IRAG1: variants seen among roughly 807,000 people sequenced by gnomAD.
IRAG1 encodes IP3R-associated cGMP kinase substrate.
IRAG1 carries 62 observed loss-of-function variants against 106.2 expected under a neutral mutation model. That is an observed-to-expected ratio of 0.58 (90% CI 0.48 to 0.72). The LOEUF (loss-of-function observed/expected upper bound fraction) is 0.72. Ranked by LOEUF, IRAG1 falls within the 30% of genes least tolerant of loss-of-function variation. The pLI is 0.00. For synonymous variants in IRAG1, 462 were observed against 443.9 expected, an observed-to-expected ratio of 1.04 and a Z score of -0.51; for missense variants, 1,064 against 1,140.7, an observed-to-expected ratio of 0.93 and a Z score of 0.97.
rs143441101 is a variant in IRAG1, at chr11:10,651,038, C to T, written c.225+987G>A. 3.4e-4 allele frequency among the ~76,000 whole-genome samples: 52 copies of T among 152,322 alleles called. 1 individual carries two copies. The East Asian group carries it at 9.1e-3, about 27-fold the overall frequency. ...ATAGATTCTTCCCTCACTTAAAAAG[C>T]GTCTATCCCACCTGGCTCAGGTCAG... is the stretch of plus-strand genomic sequence containing the variant. On this transcript the variant is annotated intron_variant, in intron 2 of 20. Coordinates refer to ENST00000423302, the MANE Select transcript of IRAG1 (RefSeq NM_130385.4).
At chr11:10,611,489 T>C (rs1854957287) in intron 10 of IRAG1, 1 of 152,182 alleles carries the variant, frequency 6.6e-6, no homozygotes, top group South Asian at 2.1e-4. Context: ...CCTAGAAAAG[T>C]TTCCCAAAAT....
intron 19 of IRAG1, among the ~76,000 whole-genome samples, chr11:10,581,529 G>A (rs781759630): frequency 6.6e-6 from 1 of 152,028 alleles, no homozygotes; most frequent in Non-Finnish European, 1.5e-5. Context: ...GCAGCAACAT[G>A]ACTGCTTTGA....
chr11:10,578,843 A>ACTCTCT (rs3075191), intron 20 of IRAG1, among the ~76,000 whole-genome samples: 11 of 151,450 alleles, frequency 7.3e-5, no homozygotes, highest in South Asian at 2.1e-4. Flanking sequence ...TATTCCATGT[A>ACTCTCT]CTCTCTCTCT....
At chr11:10,583,607 G>A (rs528427386) in intron 18 of IRAG1, among the ~76,000 whole-genome samples, 20 of 152,322 alleles carry the variant, frequency 1.3e-4, no homozygotes, top group East Asian at 7.7e-4. Flanking sequence ...AGGAAGGAGA[G>A]TAGAGGGGTG....
chr11:10,654,695 T>C (rs1170965140), intron 1 of IRAG1, among the ~76,000 whole-genome samples: 1 of 152,108 alleles, frequency 6.6e-6, no homozygotes, highest in Non-Finnish European at 1.5e-5. Context: ...CAGAAAAGGG[T>C]TACCTGTGGG....
chr11:10,681,800 C>A (rs1023245885), intron 1 of IRAG1, among the ~76,000 whole-genome samples: 6 of 152,202 alleles, frequency 3.9e-5, no homozygotes, highest in African/African-American at 1.4e-4. Context: ...AGGTTTCATT[C>A]ATGCATGCAT....
rs1045382665 is a variant in IRAG1, at chr11:10,657,703, C to T, written c.68-5521G>A. Among the ~76,000 whole-genome samples the T allele has an allele frequency of 4.6e-5, 7 of 152,144 alleles. No individual in the cohort carries two copies. The highest frequency in any genetic ancestry group is 2.0e-4 in the Admixed American group (3 of 15,268). On this transcript the variant is annotated intron_variant, in intron 1 of 20. Transcript: ENST00000423302. This position sits in a 1 kb window ranked among gnomAD's most constrained non-coding sequence, Gnocchi z 4.1. ...AGAGATTAGGTTGCTATTAATACCA[C>T]GGGTCTATCTCTAGATGGACAACTG... is the stretch of plus-strand genomic sequence containing the variant.
At chr11:10,587,165 G>A (rs1206459392) in intron 18 of IRAG1, among the ~76,000 whole-genome samples, 4 of 152,162 alleles carry the variant, frequency 2.6e-5, no homozygotes, top group Non-Finnish European at 2.9e-5. Context: ...ATTCTCACAC[G>A]TGCACCAGGT....
At chr11:10,679,847 A>G (rs1348196392) in intron 1 of IRAG1, among the ~76,000 whole-genome samples, 1 of 152,248 alleles carries the variant, frequency 6.6e-6, no homozygotes, top group Admixed American at 6.5e-5. Flanking sequence ...TCTGTCTTGC[A>G]GGACATCTCA....
rs1292545403 is a variant in IRAG1 at position 10,628,483 on chromosome 11, T to TA, written c.652+267dup. Among the ~76,000 whole-genome samples, 1 of 152,180 alleles carries TA rather than the reference T, an allele frequency of 6.6e-6. No homozygotes were observed. Among genetic ancestry groups the TA allele is most frequent in the Non-Finnish European group, 1.5e-5 (1 of 68,020 alleles). ...CCTCCCTGAGCCAGAGAGGCTGTCC[T>TA]AGTCCCCTTTCCCACCCAGCCTTCC... is the stretch of plus-strand genomic sequence containing the variant. On this transcript the variant is annotated intron_variant, in intron 6 of 20. Transcript: ENST00000423302. This position sits in a 1 kb window ranked among gnomAD's most constrained non-coding sequence, Gnocchi z 4.1.
At chr11:10,594,852 ATC>A (rs758482851) in intron 15 of IRAG1, among the ~76,000 whole-genome samples, 4 of 151,984 alleles carry the variant, frequency 2.6e-5, no homozygotes, top group South Asian at 4.2e-4. Flanking sequence ...TAGCCTGCAT[ATC>A]TCTCTCTTTC....
intron 9 of IRAG1, among the ~76,000 whole-genome samples, chr11:10,625,342 C>T (rs552084256): frequency 7.2e-4 from 110 of 152,272 alleles, no homozygotes; most frequent in Non-Finnish European, 1.5e-3. Context: ...TATCTGGTCT[C>T]TATCTCTGGA....
intron 1 of IRAG1, among the ~76,000 whole-genome samples, chr11:10,684,689 G>A (rs749812777): frequency 5.9e-5 from 9 of 151,474 alleles, no homozygotes; most frequent in Non-Finnish European, 1.2e-4. Flanking sequence ...GGATCTGAAA[G>A]CTGCCCTGGG....
intron 1 of IRAG1, among the ~76,000 whole-genome samples, chr11:10,675,818 A>G (rs1860609425): frequency 6.6e-6 from 1 of 152,166 alleles, no homozygotes; most frequent in Non-Finnish European, 1.5e-5. Context: ...TTTGTCTGCA[A>G]TGAATGCTCT....
intron 18 of IRAG1, among the ~76,000 whole-genome samples, chr11:10,589,737 C>T (rs1852425180): frequency 6.6e-6 from 1 of 152,174 alleles, no homozygotes; most frequent in Admixed American, 6.5e-5. Context: ...CTTGACTTGC[C>T]TTAATCCCCA....
intron 14 of IRAG1, among the ~76,000 whole-genome samples, chr11:10,601,591 C>A (rs1388561413): frequency 1.3e-5 from 2 of 152,202 alleles, no homozygotes; most frequent in Non-Finnish European, 2.9e-5. Context: ...CACTGCAGGT[C>A]CTCCTACCTA....
intron 3 of IRAG1, among the ~76,000 whole-genome samples, chr11:10,633,228 C>T (rs554865820): frequency 1.4e-4 from 22 of 152,108 alleles, no homozygotes; most frequent in East Asian, 1.4e-3. Flanking sequence ...GCGCCCGCCA[C>T]CACACCCGGC....
intron 2 of IRAG1, among the ~76,000 whole-genome samples, chr11:10,641,424 A>G (rs1564923652): frequency 6.6e-6 from 1 of 152,236 alleles, no homozygotes; most frequent in Non-Finnish European, 1.5e-5. Flanking sequence ...CTCCTGGGGC[A>G]TCTGACCACA....
chr11:10,611,506 T>C (rs377184095), intron 10 of IRAG1: 2 of 152,280 alleles, frequency 1.3e-5, no homozygotes, highest in East Asian at 3.9e-4. Flanking sequence ...AAATGGTGCT[T>C]GAAGAGTAAT....
Sources: allele counts gnomAD v4.1 joint callset (sites outside exome capture counted in the v4.1 genomes callset), GRCh38; gene constraint gnomAD v4.1.1; non-coding constraint Gnocchi (gnomAD v3.1); transcripts MANE v1.5; gene names NCBI Gene and HGNC (gene_info 2026-07-23, HGNC 2026-07-21).